GUCY1A2: variants seen among roughly 807,000 people sequenced by gnomAD.
The protein encoded by GUCY1A2 is guanylate cyclase soluble subunit alpha-2.
GUCY1A2 carries 27 observed loss-of-function variants against 63.5 expected under a neutral mutation model. That is an observed-to-expected ratio of 0.43 (90% CI 0.31 to 0.59). The LOEUF (loss-of-function observed/expected upper bound fraction) is 0.59, where lower values mean the gene tolerates loss of function less well. Ranked by LOEUF, GUCY1A2 falls within the 20% of genes least tolerant of loss-of-function variation. The probability of loss-of-function intolerance (pLI) is 0.11; values close to 1 mark genes in which losing one functional copy is unlikely to be tolerated. For synonymous variants in GUCY1A2, 364 were observed against 343.5 expected, an observed-to-expected ratio of 1.06 and a Z score of -0.66; for missense variants, 768 against 913.3, an observed-to-expected ratio of 0.84 and a Z score of 2.05.
At chr11:106,986,493 T>C (rs993894931) in intron 1 of GUCY1A2, among the ~76,000 whole-genome samples, 3 of 152,160 alleles carry the variant, frequency 2.0e-5, no homozygotes, top group Non-Finnish European at 4.4e-5. Flanking sequence ...GTTTTTCCTT[T>C]CCAGCATATG....
intron 6 of GUCY1A2, among the ~76,000 whole-genome samples, chr11:106,751,713 C>T (rs1186064063): frequency 6.6e-6 from 1 of 151,784 alleles, no homozygotes; most frequent in Non-Finnish European, 1.5e-5. Flanking sequence ...CCAAATGCTA[C>T]CAGAGTGGAT....
chr11:106,758,310 C>G (rs182703020), intron 6 of GUCY1A2, among the ~76,000 whole-genome samples: 1 of 152,192 alleles, frequency 6.6e-6, no homozygotes, highest in Admixed American at 6.5e-5. Flanking sequence ...AGCCAGGCAC[C>G]GGAGGGAATC....
At chr11:106,900,850 G>A (rs7114159) in intron 4 of GUCY1A2, among the ~76,000 whole-genome samples, 23,821 of 152,196 alleles carry the variant, frequency 0.16, 2,168 homozygotes, top group South Asian at 0.27. Flanking sequence ...AAATGCTAAT[G>A]ATTATCTGAG....
intron 4 of GUCY1A2, among the ~76,000 whole-genome samples, chr11:106,922,171 T>C (rs989582618): frequency 3.9e-5 from 6 of 152,130 alleles, no homozygotes; most frequent in African/African-American, 1.4e-4. Context: ...TCAGACAACA[T>C]TTGTCTCTCT....
intron 1 of GUCY1A2, among the ~76,000 whole-genome samples, chr11:106,996,667 G>C (rs1028952401): frequency 3.3e-5 from 5 of 152,194 alleles, no homozygotes; most frequent in Non-Finnish European, 4.4e-5. Flanking sequence ...TGGGCATTTT[G>C]TTTAGCCAGT....
chr11:107,009,534 T>C (rs544997435), intron 1 of GUCY1A2, among the ~76,000 whole-genome samples: 1 of 152,214 alleles, frequency 6.6e-6, no homozygotes, highest in South Asian at 2.1e-4. Flanking sequence ...AAGATACTTA[T>C]AGTAATGACA....
chr11:106,924,953 G>T (rs538232337), intron 4 of GUCY1A2, among the ~76,000 whole-genome samples: 1 of 152,094 alleles, frequency 6.6e-6, no homozygotes, highest in African/African-American at 2.4e-5. Flanking sequence ...GCTGCAGTGA[G>T]CCAAGATTAC....
intron 3 of GUCY1A2, among the ~76,000 whole-genome samples, chr11:106,949,434 GTGTTT>G (rs925937413): frequency 1.3e-5 from 2 of 151,856 alleles, no homozygotes; most frequent in African/African-American, 2.4e-5. Flanking sequence ...GGCTGGTTCT[GTGTTT>G]TGTTTTATTT....
Position 106,680,822 on chromosome 11 carries a change from A to G in GUCY1A2, c.*6727T>C, listed in dbSNP as rs2000930. 10 of 206,860 alleles carry G rather than the reference A, an allele frequency of 4.8e-5. No homozygotes were observed. The highest frequency in any genetic ancestry group is 9.9e-5 in the Non-Finnish European group (10 of 101,426). The allele number at this position is 206,860 out of a possible 1,614,324, so 12.8% of individuals were successfully genotyped here. On this transcript the variant is annotated 3_prime_UTR_variant, in exon 8 of 8. Coordinates refer to ENST00000526355, the MANE Select transcript of GUCY1A2 (RefSeq NM_000855.3). ...CCACCATTCAAATGGGTTCATATTC[A>G]TGTTTAGGGGATTGTTTACCTTGCA...
intron 3 of GUCY1A2, among the ~76,000 whole-genome samples, chr11:106,961,985 T>C (rs1565344732): frequency 1.3e-5 from 2 of 152,208 alleles, no homozygotes; most frequent in Admixed American, 6.5e-5. Flanking sequence ...CCTGTTTCAC[T>C]ACTCAGAACT....
At chr11:106,800,491 A>G (rs1864854875) in intron 5 of GUCY1A2, among the ~76,000 whole-genome samples, 1 of 152,198 alleles carries the variant, frequency 6.6e-6, no homozygotes, top group African/African-American at 2.4e-5. Flanking sequence ...ACCAACCCAA[A>G]TGTCCATCAA....
chr11:106,740,304 G>A (rs1480495761), intron 6 of GUCY1A2, among the ~76,000 whole-genome samples: 1 of 151,904 alleles, frequency 6.6e-6, no homozygotes, highest in Non-Finnish European at 1.5e-5. Context: ...TGCCCGGCCT[G>A]AGAGGAACCT....
intron 4 of GUCY1A2, among the ~76,000 whole-genome samples, chr11:106,917,400 C>T (rs1423535187): frequency 6.9e-6 from 1 of 145,494 alleles, no homozygotes; most frequent in African/African-American, 2.4e-5. Flanking sequence ...CCAGATAGAT[C>T]AGGCAATGCT....
In GUCY1A2 at chr11:106,939,423, C is replaced by G. The variant is rs549428868; in HGVS notation, c.1206+37G>C. The G allele has an allele frequency of 2.1e-5, 21 of 1,011,240 alleles. No individual in the cohort carries two copies. In the African/African-American group the frequency reaches 2.6e-4, roughly 12 times the overall value. The allele number at this position is 1,011,240 out of a possible 1,614,324, so 62.6% of individuals were successfully genotyped here. On this transcript the variant is annotated intron_variant, in intron 4 of 7. Transcript: ENST00000526355. The stretch of plus-strand genomic sequence containing the variant: ...TTTACTGAAATAATTATCCACTCTT[C>G]TAGTTCCCATCACCATCTCAAGTCC...
intron 4 of GUCY1A2, among the ~76,000 whole-genome samples, chr11:106,868,559 G>A (rs967688646): frequency 3.9e-5 from 6 of 152,022 alleles, no homozygotes; most frequent in African/African-American, 1.4e-4. Context: ...GGGATGTGAA[G>A]GACCTCTTCA....
At chr11:107,008,421 G>A (rs181770218) in intron 1 of GUCY1A2, among the ~76,000 whole-genome samples, 1 of 152,082 alleles carries the variant, frequency 6.6e-6, no homozygotes, top group Non-Finnish European at 1.5e-5. Flanking sequence ...AAAAAATAAT[G>A]TTATAACTAT....
chr11:106,681,480 A>C lies in GUCY1A2; in HGVS notation c.*6069T>G. On this transcript the variant is annotated 3_prime_UTR_variant, in exon 8 of 8. Coordinates refer to ENST00000526355, the MANE Select transcript of GUCY1A2 (RefSeq NM_000855.3). ...AATTGGGCAACATTATAAATAATAC[A>C]CAAATCTCTTTGACAGGAATAGAAA... 1 of 221,202 alleles carries C rather than the reference A, an allele frequency of 4.5e-6. No individual in the cohort carries two copies. Among genetic ancestry groups the C allele is most frequent in the Non-Finnish European group, 9.1e-6 (1 of 110,292 alleles). The allele number at this position is 221,202 out of a possible 1,614,324, so 13.7% of individuals were successfully genotyped here.
In GUCY1A2 at chr11:106,684,936, C is replaced by G. The variant is rs537593462; in HGVS notation, c.*2613G>C. On this transcript the variant is annotated 3_prime_UTR_variant, in exon 8 of 8. Transcript: ENST00000526355. The stretch of plus-strand genomic sequence containing the variant: ...GAGATGTAGATGGCATTGTGTAGGA[C>G]AAATAAAAATATAATTTTTTCTCCA... 341 of 203,374 alleles carry G rather than the reference C, an allele frequency of 1.7e-3. 1 individual carries two copies. The highest frequency in any genetic ancestry group is 7.6e-3 in the African/African-American group (331 of 43,780). 12.6% of individuals were successfully genotyped at this position (203,374 alleles called of 1,614,324 possible). A position where few individuals can be genotyped will look rare whatever the true frequency, so the allele number is the denominator to read the frequency against.
intron 4 of GUCY1A2, among the ~76,000 whole-genome samples, chr11:106,915,291 T>C (rs1419294166): frequency 6.6e-6 from 1 of 152,016 alleles, no homozygotes; most frequent in Non-Finnish European, 1.5e-5. Context: ...AGCCTGTGGA[T>C]CAAAGCATAT....
Sources: allele counts gnomAD v4.1 joint callset (sites outside exome capture counted in the v4.1 genomes callset), GRCh38; gene constraint gnomAD v4.1.1; transcripts MANE v1.5; gene names NCBI Gene and HGNC (gene_info 2026-07-23, HGNC 2026-07-21).